FGGY: variants seen among roughly 807,000 people sequenced by gnomAD.
The protein encoded by FGGY is FGGY carbohydrate kinase domain containing, also known as FGGY carbohydrate kinase domain-containing protein.
In FGGY, 72 loss-of-function variants were observed where a neutral mutation model predicts 71.3. The observed-to-expected ratio is 1.01, with a 90% CI of 0.84 to 1.23. The LOEUF (loss-of-function observed/expected upper bound fraction) is 1.23, where lower values mean the gene tolerates loss of function less well. Among genes scored for constraint, FGGY ranks in the 50% most tolerant of loss-of-function variants. The probability of loss-of-function intolerance (pLI) is 0.00; values close to 1 mark genes in which losing one functional copy is unlikely to be tolerated. For missense variants in FGGY, 668 were observed against 682.3 expected (o/e 0.98, Z 0.23); for synonymous variants, 251 against 250.3 (o/e 1.00, Z -0.02).
At chr1:59,369,698 T>A (rs567005529) in intron 4 of FGGY, among the ~76,000 whole-genome samples, 191 of 152,208 alleles carry the variant, frequency 1.3e-3, no homozygotes, top group African/African-American at 4.5e-3. Context: ...CACGGCCGGA[T>A]ACTCCTCTGA....
At chr1:59,568,495 C>G (rs1025557755) in intron 8 of FGGY, among the ~76,000 whole-genome samples, 1 of 151,928 alleles carries the variant, frequency 6.6e-6, no homozygotes, top group African/African-American at 2.4e-5. Flanking sequence ...TATTACATCC[C>G]CCCAGTGTTT....
chr1:59,614,803 C>T (rs60428423), intron 9 of FGGY, among the ~76,000 whole-genome samples: 17,603 of 152,032 alleles, frequency 0.12, 2,323 homozygotes, highest in African/African-American at 0.33. Context: ...CAGCAAACTC[C>T]CCGGATACAA....
intron 15 of FGGY, among the ~76,000 whole-genome samples, chr1:59,760,375 A>G (rs559695181): frequency 6.6e-6 from 1 of 152,328 alleles, no homozygotes; most frequent in South Asian, 2.1e-4. Context: ...TGCTGCAGAA[A>G]ACACTATGGC....
intron 14 of FGGY, among the ~76,000 whole-genome samples, chr1:59,687,883 T>C (rs989981289): frequency 6.6e-6 from 1 of 152,140 alleles, no homozygotes; most frequent in African/African-American, 2.4e-5. Context: ...ACTGATATCA[T>C]TGCTTTTAAC....
chr1:59,361,669 G>A (rs369091195), intron 4 of FGGY, among the ~76,000 whole-genome samples: 20 of 152,276 alleles, frequency 1.3e-4, no homozygotes, highest in African/African-American at 4.6e-4. Context: ...GATGGAGCCA[G>A]TTCACCCTAG....
At chr1:59,425,319 T>TAATA (rs2066157228) in intron 5 of FGGY, among the ~76,000 whole-genome samples, 1 of 152,210 alleles carries the variant, frequency 6.6e-6, no homozygotes, top group Admixed American at 6.5e-5. Flanking sequence ...GATTCCAGTA[T>TAATA]TTTTATGGCC....
At chr1:59,616,863 G>T (rs770827542) in intron 9 of FGGY, among the ~76,000 whole-genome samples, 9 of 151,964 alleles carry the variant, frequency 5.9e-5, no homozygotes, top group Non-Finnish European at 1.0e-4. Flanking sequence ...CATACCTATA[G>T]ATACAGTCAT....
At chr1:59,559,615 A>G (rs996987150) in intron 8 of FGGY, among the ~76,000 whole-genome samples, 1 of 152,174 alleles carries the variant, frequency 6.6e-6, no homozygotes, top group African/African-American at 2.4e-5. Context: ...ATCCAATACA[A>G]AGAACCAGGA....
intron 14 of FGGY, among the ~76,000 whole-genome samples, chr1:59,746,705 A>C (rs575484625): frequency 6.6e-6 from 1 of 152,110 alleles, no homozygotes; most frequent in Admixed American, 6.5e-5. Flanking sequence ...TATCTTGCCC[A>C]GGCTGGTTTC....
intron 14 of FGGY, among the ~76,000 whole-genome samples, chr1:59,694,630 A>G (rs2097639305): frequency 6.6e-6 from 1 of 152,096 alleles, no homozygotes; most frequent in African/African-American, 2.4e-5. Flanking sequence ...GATATATTAA[A>G]AAGTATTTCT....
chr1:59,502,044 T>C (rs1402552198), intron 6 of FGGY, among the ~76,000 whole-genome samples: 1 of 152,226 alleles, frequency 6.6e-6, no homozygotes, highest in Admixed American at 6.5e-5. Flanking sequence ...GCTTGATTCT[T>C]ATAACCACTC....
intron 6 of FGGY, among the ~76,000 whole-genome samples, chr1:59,473,134 A>G (rs1475200968): frequency 2.6e-5 from 4 of 152,082 alleles, no homozygotes; most frequent in South Asian, 2.1e-4. Flanking sequence ...TCTCTTTGCA[A>G]TAAATCTTGC....
At chr1:59,390,883 T>G (rs2060607315) in intron 5 of FGGY, among the ~76,000 whole-genome samples, 1 of 152,248 alleles carries the variant, frequency 6.6e-6, no homozygotes, top group Admixed American at 6.5e-5. Context: ...GTTTCATTAT[T>G]CATTAATACA....
intron 5 of FGGY, among the ~76,000 whole-genome samples, chr1:59,389,233 C>T (rs1371471232): frequency 1.3e-5 from 2 of 152,120 alleles, no homozygotes; most frequent in African/African-American, 4.8e-5. Flanking sequence ...ATTTTTATCC[C>T]TCCCTCTCCC....
At chr1:59,560,781 T>C (rs554043824) in intron 8 of FGGY, among the ~76,000 whole-genome samples, 2 of 152,236 alleles carry the variant, frequency 1.3e-5, no homozygotes, top group African/African-American at 4.8e-5. Flanking sequence ...AGTTAATGCA[T>C]GGCTGGAGTG....
chr1:59,632,234 A>G (rs959681444), intron 10 of FGGY, among the ~76,000 whole-genome samples: 13 of 152,374 alleles, frequency 8.5e-5, no homozygotes, highest in African/African-American at 2.2e-4. Context: ...ACACATATGC[A>G]TATATACAGA....
chr1:59,673,965 C>T, intron 13 of FGGY, 74 bp from the exon 14 acceptor site: 1 of 1,351,142 alleles, frequency 7.4e-7, no homozygotes, highest in Admixed American at 1.9e-5. Context: ...GTTTTTGCCA[C>T]TGCGGCTGCT....
At chr1:59,522,114 A>C (rs1408660845) in intron 7 of FGGY, among the ~76,000 whole-genome samples, 17 of 152,230 alleles carry the variant, frequency 1.1e-4, no homozygotes, top group Non-Finnish European at 1.5e-5. Context: ...TTGTGAGCTC[A>C]CAACCACACT....
intron 8 of FGGY, among the ~76,000 whole-genome samples, chr1:59,584,422 A>G (rs1001256091): frequency 2.7e-5 from 4 of 150,080 alleles, no homozygotes; most frequent in Non-Finnish European, 5.9e-5. Context: ...CAAAAACCAT[A>G]TGATTATCTC....
Sources: gnomAD v4.1 joint callset for allele counts (sites outside exome capture counted in the v4.1 genomes callset) on GRCh38, gnomAD v4.1.1 for gene constraint, MANE v1.5 for transcripts, NCBI Gene and HGNC (gene_info 2026-07-23, HGNC 2026-07-21) for gene names.